Variants in EPB42 observed in about 807,000 individuals in gnomAD.
EPB42 encodes erythrocyte membrane protein band 4.2, also known as protein 4.2.
EPB42 carries 49 observed loss-of-function variants against 76.9 expected under a neutral mutation model. The observed-to-expected ratio is 0.64, with a 90% CI of 0.51 to 0.81. The LOEUF (loss-of-function observed/expected upper bound fraction) is 0.81. Among genes scored for constraint, EPB42 ranks in the 30% least tolerant of loss-of-function variants. The pLI is 0.00. For synonymous variants in EPB42, 310 were observed against 338.4 expected, an observed-to-expected ratio of 0.92 and a Z score of 0.92; for missense variants, 731 against 867.6, an observed-to-expected ratio of 0.84 and a Z score of 1.98.
chr15:43,206,035 G>C lies in EPB42; in HGVS notation c.1618+295C>G, dbSNP rs573049038. On this transcript the variant is annotated intron_variant, in intron 10 of 12. Coordinates refer to ENST00000441366, the MANE Select transcript of EPB42 (RefSeq NM_001114134.2). The surrounding 1 kb of genome is among the most constrained non-coding windows in gnomAD (Gnocchi z 4.7). Reference sequence around the variant, plus strand: ...ATTTGGGGGCAGCTTATTCCAGCCTGGGGGGAGGTGCTCTCCTGCCACTGT... The same window carrying C: ...ATTTGGGGGCAGCTTATTCCAGCCTCGGGGGAGGTGCTCTCCTGCCACTGT... 2.1e-5 allele frequency: 7 copies of C among 334,890 alleles called. No individual in the cohort carries two copies. Among genetic ancestry groups the C allele is most frequent in the African/African-American group, 4.1e-5 (2 of 48,718 alleles). The allele number at this position is 334,890 out of a possible 1,614,324, so 20.7% of individuals were successfully genotyped here. A position where few individuals can be genotyped will look rare whatever the true frequency, so the allele number is the denominator to read the frequency against.
At chr15:43,223,806 T>G (rs932266991), upstream of EPB42, among the ~76,000 whole-genome samples, 5 of 152,150 alleles carry the variant, frequency 3.3e-5, no homozygotes, top group Non-Finnish European at 7.4e-5. Flanking sequence ...AAAACCAATC[T>G]CTACTAAAAA....
chr15:43,213,257 C>A (rs2042327964), intron 3 of EPB42, among the ~76,000 whole-genome samples: 1 of 152,108 alleles, frequency 6.6e-6, no homozygotes, highest in Non-Finnish European at 1.5e-5. Flanking sequence ...TATGTAGCCC[C>A]CTTTATAAAG....
At chr15:43,201,316 TAAGA>T (rs1369418160) in intron 12 of EPB42, among the ~76,000 whole-genome samples, 1 of 152,010 alleles carries the variant, frequency 6.6e-6, no homozygotes, top group East Asian at 1.9e-4. Flanking sequence ...GAGTGAAAAG[TAAGA>T]AAGCAATTAA....
chr15:43,207,516 GT>G, intron 8 of EPB42, 75 bp from the exon 9 acceptor site: 2 of 1,599,426 alleles, frequency 1.3e-6, no homozygotes, highest in Non-Finnish European at 1.7e-6. Context: ...CGTAACCTCA[GT>G]CCCCATCCTC....
At position 43,206,281 on chromosome 15, in the gene EPB42, A is replaced by ATG. The variant is rs147713872; in HGVS notation, c.1618+47_1618+48dup. The ATG allele has an allele frequency of 2.4e-4, 360 of 1,489,746 alleles. No homozygotes were observed. The African/African-American group carries it at 3.1e-3, about 13-fold the overall frequency. The allele number at this position is 1,489,746 out of a possible 1,614,324, so 92.3% of individuals were successfully genotyped here. ...CTGCTGCCTGCCCAAGGCAGGGGCC[A>ATG]TGTGTGTGTGTGTGTCGGGGGGTGT... On this transcript the variant is annotated intron_variant, in intron 10 of 12. Transcript: ENST00000441366. The surrounding 1 kb of genome is among the most constrained non-coding windows in gnomAD (Gnocchi z 4.7).
chr15:43,208,801 G>C, intron 6 of EPB42, 26 bp from the exon 7 acceptor site: 1 of 1,611,934 alleles, frequency 6.2e-7, no homozygotes, highest in Non-Finnish European at 8.5e-7. Flanking sequence ...CGGAGTGTCA[G>C]GGGGCGCTTG....
intron 8 of EPB42, among the ~76,000 whole-genome samples, 185 bp downstream of exon 8, chr15:43,208,045 G>T (rs1204397165): frequency 6.6e-6 from 1 of 152,180 alleles, no homozygotes; most frequent in East Asian, 1.9e-4. Flanking sequence ...GGGATAGCAG[G>T]CACCTCTATT....
intron 3 of EPB42, among the ~76,000 whole-genome samples, chr15:43,214,552 C>G (rs939651740): frequency 6.6e-6 from 1 of 152,184 alleles, no homozygotes; most frequent in Non-Finnish European, 1.5e-5. Flanking sequence ...TAACACAGAC[C>G]TCTTGGGGCC....
chr15:43,224,599 T>C (rs527960735), upstream of EPB42, among the ~76,000 whole-genome samples: 2 of 152,216 alleles, frequency 1.3e-5, no homozygotes, highest in Non-Finnish European at 2.9e-5. Flanking sequence ...TTTATACAAG[T>C]ATATTCAAGG....
At chr15:43,224,767 T>C (rs1260405082), upstream of EPB42, among the ~76,000 whole-genome samples, 3 of 152,162 alleles carry the variant, frequency 2.0e-5, no homozygotes. Flanking sequence ...ATCTCCAAGC[T>C]TGATTTGTAT....
At chr15:43,200,637 T>A (rs942391305) in intron 12 of EPB42, among the ~76,000 whole-genome samples, 2 of 152,124 alleles carry the variant, frequency 1.3e-5, no homozygotes, top group Non-Finnish European at 2.9e-5. Flanking sequence ...AAGAAAATGT[T>A]AATAGCTGGG....
At position 43,216,398 on chromosome 15, in the gene EPB42, G is replaced by A. The variant is rs932127227; in HGVS notation, c.66C>T (p.His22=). The change falls in exon 2 of 13, where the codon CAC becomes CAT. Residue 22 remains histidine (H), a synonymous_variant. Transcript: ENST00000441366. The part of the protein sequence containing the change: ...FQAARNNEEH[H]TKALSSRRLF... ...GGCGCCGGGAGCTGAGGGCCTTGGT[G>A]TGGTGCTCCTCATTGTTTCTTGCTG... 1 of 1,614,234 alleles carries A rather than the reference G, an allele frequency of 6.2e-7. No homozygotes were observed. Among genetic ancestry groups the A allele is most frequent in the African/African-American group, 1.3e-5 (1 of 75,058 alleles).
At chr15:43,215,033 GCA>G in intron 3 of EPB42, 60 bp downstream of exon 3, 7 of 1,451,412 alleles carry the variant, frequency 4.8e-6, no homozygotes, top group Non-Finnish European at 6.7e-6. Context: ...TGCCAGAGCT[GCA>G]CCCCAGCTCC....
At chr15:43,197,601 G>A (rs2042062610) in intron 12 of EPB42, 137 bp from the exon 13 acceptor site, 2 of 1,022,120 alleles carry the variant, frequency 2.0e-6, no homozygotes, top group Admixed American at 2.3e-5. Context: ...TATTAAAATG[G>A]AAGTGTTTAT....
upstream of EPB42, among the ~76,000 whole-genome samples, chr15:43,221,482 G>A (rs2042459578): frequency 6.6e-6 from 1 of 152,200 alleles, no homozygotes; most frequent in African/African-American, 2.4e-5. Flanking sequence ...CCTGGTCTGG[G>A]ACCCTCTACC....
chr15:43,203,511 C>T (rs1173230669), intron 10 of EPB42, among the ~76,000 whole-genome samples: 1 of 152,134 alleles, frequency 6.6e-6, no homozygotes, highest in Non-Finnish European at 1.5e-5. Flanking sequence ...GGAAAGGGTC[C>T]CCTGTGAACT....
Position 43,204,964 on chromosome 15 carries a change from G to C in EPB42, c.1618+1366C>G, listed in dbSNP as rs1205051290. Reference sequence around the variant, plus strand: ...TCTGGCTCAGAAGGCTGCCCCCTCCGCCCCCCCCCCAAAAAAAAGTTCCCA... The same window carrying C: ...TCTGGCTCAGAAGGCTGCCCCCTCCCCCCCCCCCCCAAAAAAAAGTTCCCA... On this transcript the variant is annotated intron_variant, in intron 10 of 12. Coordinates refer to ENST00000441366, the MANE Select transcript of EPB42 (RefSeq NM_001114134.2). 5.6e-3 allele frequency among the ~76,000 whole-genome samples: 670 copies of C among 120,658 alleles called. 1 individual carries two copies. The highest frequency in any genetic ancestry group is 5.9e-3 in the Non-Finnish European group (362 of 61,096). The allele number at this position is 120,658 out of a possible 152,430, so 79.2% of individuals were successfully genotyped here. A position where few individuals can be genotyped will look rare whatever the true frequency, so the allele number is the denominator to read the frequency against.
intron 1 of EPB42, 144 bp downstream of exon 1, chr15:43,220,672 T>G (rs1427166873): frequency 8.8e-5 from 34 of 384,470 alleles, no homozygotes; most frequent in East Asian, 2.0e-4. Flanking sequence ...AGCCACCTCA[T>G]TATCACCAGT....
At chr15:43,224,666 T>A (rs2142339683), upstream of EPB42, among the ~76,000 whole-genome samples, 1 of 152,342 alleles carries the variant, frequency 6.6e-6, no homozygotes, top group Admixed American at 6.5e-5. Context: ...ATGCATAAGG[T>A]ATTAGGTAGA....
Sources: allele counts gnomAD v4.1 joint callset (sites outside exome capture counted in the v4.1 genomes callset), GRCh38; gene constraint gnomAD v4.1.1; non-coding constraint Gnocchi (gnomAD v3.1); transcripts MANE v1.5; gene names NCBI Gene and HGNC (gene_info 2026-07-23, HGNC 2026-07-21).